The following VWC2L variants were observed in gnomAD, a reference collection of about 807,000 sequenced individuals.
VWC2L encodes the protein von Willebrand factor C domain-containing protein 2-like.
A neutral mutation model predicts 21.6 loss-of-function variants in VWC2L; 10 were observed. That is an observed-to-expected ratio of 0.46 (90% CI 0.29 to 0.78). The LOEUF (loss-of-function observed/expected upper bound fraction) is 0.78. Ranked by LOEUF, VWC2L falls within the 30% of genes least tolerant of loss-of-function variation. The probability of loss-of-function intolerance (pLI) is 0.10; values close to 1 mark genes in which losing one functional copy is unlikely to be tolerated. For missense variants in VWC2L, 209 were observed against 277.1 expected (o/e 0.75, Z 1.74); for synonymous variants, 96 against 94.3 (o/e 1.02, Z -0.10).
At chr2:214,503,150 A>G (rs1452742850) in intron 3 of VWC2L, among the ~76,000 whole-genome samples, 5 of 152,334 alleles carry the variant, frequency 3.3e-5, no homozygotes, top group African/African-American at 1.2e-4. Flanking sequence ...CCTGAACTCC[A>G]GCAAGAGTTT....
chr2:214,414,034 C>A, intron 1 of VWC2L, 80 bp from the exon 2 acceptor site: 1 of 754,726 alleles, frequency 1.3e-6, no homozygotes, highest in Non-Finnish European at 2.0e-6. Context: ...TGATCCCAAA[C>A]AGTTTAAGAG....
At chr2:214,447,141 G>T (rs555285059) in intron 3 of VWC2L, among the ~76,000 whole-genome samples, 5 of 152,216 alleles carry the variant, frequency 3.3e-5, no homozygotes, top group Non-Finnish European at 4.4e-5. Context: ...GAATTAAATG[G>T]GGTGGGGTCT....
chr2:214,442,748 T>A (rs948673970), intron 3 of VWC2L, among the ~76,000 whole-genome samples: 3 of 152,086 alleles, frequency 2.0e-5, no homozygotes, highest in African/African-American at 4.8e-5. Context: ...GCTTTCTTTT[T>A]TAAAATGGTA....
At chr2:214,505,775 A>G (rs1688958903) in intron 3 of VWC2L, among the ~76,000 whole-genome samples, 1 of 152,332 alleles carries the variant, frequency 6.6e-6, no homozygotes, top group South Asian at 2.1e-4. Flanking sequence ...AGCAAAACAT[A>G]AGAATGGTGG....
chr2:214,445,307 G>C (rs1574568119), intron 3 of VWC2L, among the ~76,000 whole-genome samples: 1 of 151,686 alleles, frequency 6.6e-6, no homozygotes, highest in East Asian at 1.9e-4. Flanking sequence ...AAAGTTGTTT[G>C]ATAATAGCAA....
chr2:214,505,123 C>T (rs986966405), intron 3 of VWC2L, among the ~76,000 whole-genome samples: 3 of 152,178 alleles, frequency 2.0e-5, no homozygotes, highest in Non-Finnish European at 4.4e-5. Flanking sequence ...ACTGTGTTCT[C>T]GTTTCCTATT....
Position 214,563,546 on chromosome 2 carries a change from C to CAAAAAAAAAAAAAAAAAAAA in VWC2L, c.521-12110_521-12091dup, listed in dbSNP as rs55864016. On this transcript the variant is annotated intron_variant, in intron 3 of 3. Transcript: ENST00000312504. ...TGGGTGACACAGCAAGACTCCGTCT[C>CAAAAAAAAAAAAAAAAAAAA]AAAAAAAAAAAAAAAAAAAAAAAAA... Among the ~76,000 whole-genome samples the CAAAAAAAAAAAAAAAAAAAA allele has an allele frequency of 1.1e-3, 104 of 95,856 alleles. 2 individuals are homozygous for CAAAAAAAAAAAAAAAAAAAA. The highest frequency in any genetic ancestry group is 6.0e-3 in the Middle Eastern group (1 of 168). 62.9% of individuals were successfully genotyped at this position (95,856 alleles called of 152,430 possible). A position where few individuals can be genotyped will look rare whatever the true frequency, so the allele number is the denominator to read the frequency against.
intron 3 of VWC2L, among the ~76,000 whole-genome samples, chr2:214,574,847 G>GA (rs1433614978): frequency 6.6e-6 from 1 of 151,704 alleles, no homozygotes; most frequent in Non-Finnish European, 1.5e-5. Context: ...AAAAATGCAA[G>GA]AAAATAAGGG....
Position 214,446,713 on chromosome 2 carries a change from T to TC in VWC2L, c.520+9961dup, listed in dbSNP as rs796438821. ...TAAATGTTTGAAATGTTGAGTCCAG[T>TC]CCCCCCACAAAACATACATTTTTTC... is the stretch of plus-strand genomic sequence containing the variant. On this transcript the variant is annotated intron_variant, in intron 3 of 3. Transcript: ENST00000312504. 8.4e-4 allele frequency among the ~76,000 whole-genome samples: 128 copies of TC among 151,978 alleles called. 1 individual carries two copies. Among genetic ancestry groups the TC allele is most frequent in the African/African-American group, 2.9e-3 (121 of 41,450 alleles).
At chr2:214,484,969 A>G (rs1559304867) in intron 3 of VWC2L, among the ~76,000 whole-genome samples, 1 of 152,164 alleles carries the variant, frequency 6.6e-6, no homozygotes, top group Non-Finnish European at 1.5e-5. Flanking sequence ...CATGAAAATT[A>G]TTAAGGACCT....
At chr2:214,446,821 A>G (rs549305155) in intron 3 of VWC2L, among the ~76,000 whole-genome samples, 1 of 152,336 alleles carries the variant, frequency 6.6e-6, no homozygotes, top group Non-Finnish European at 1.5e-5. Flanking sequence ...CCCATTCTGC[A>G]GGACGCTTGA....
intron 3 of VWC2L, among the ~76,000 whole-genome samples, chr2:214,443,883 T>TA (rs1053265206): frequency 2.0e-5 from 3 of 151,682 alleles, no homozygotes; most frequent in African/African-American, 4.8e-5. Flanking sequence ...AAGAAGGAGG[T>TA]AAAAAAGGTC....
chr2:214,575,425 C>T (rs1053372721), intron 3 of VWC2L, among the ~76,000 whole-genome samples: 5 of 151,856 alleles, frequency 3.3e-5, no homozygotes, highest in African/African-American at 4.9e-5. Context: ...GCAGAAAATA[C>T]GATTTTTTTT....
chr2:214,554,677 C>A (rs1206581418), intron 3 of VWC2L, among the ~76,000 whole-genome samples: 1 of 151,940 alleles, frequency 6.6e-6, no homozygotes, highest in Non-Finnish European at 1.5e-5. Flanking sequence ...ACAAAACAAA[C>A]AAACAAAACA....
intron 3 of VWC2L, among the ~76,000 whole-genome samples, chr2:214,439,248 T>C (rs1702725178): frequency 6.6e-6 from 1 of 151,962 alleles, no homozygotes; most frequent in South Asian, 2.1e-4. Flanking sequence ...AACAGATGAA[T>C]GATATATAGA....
rs150642379 is a variant in VWC2L, at chr2:214,573,408, T to G, written c.521-2264T>G. ...CACTATTTAGAATTTTATTTTCCCA[T>G]GTGGAAAAGTTAAAAGTATACAATT... On this transcript the variant is annotated intron_variant, in intron 3 of 3. Coordinates refer to ENST00000312504, the MANE Select transcript of VWC2L (RefSeq NM_001080500.4). Among the ~76,000 whole-genome samples, 24 of 152,234 alleles carry G rather than the reference T, an allele frequency of 1.6e-4. No individual in the cohort carries two copies. The East Asian group carries it at 4.4e-3, about 28-fold the overall frequency.
chr2:214,517,225 G>A (rs981080844), intron 3 of VWC2L, among the ~76,000 whole-genome samples: 1 of 152,156 alleles, frequency 6.6e-6, no homozygotes, highest in African/African-American at 2.4e-5. Flanking sequence ...TTGGCTTTCA[G>A]TACCCCAGAC....
At chr2:214,527,552 C>T (rs1352737206) in intron 3 of VWC2L, among the ~76,000 whole-genome samples, 1 of 152,070 alleles carries the variant, frequency 6.6e-6, no homozygotes, top group African/African-American at 2.4e-5. Context: ...TTCCTTGAAG[C>T]AAGTTCTTTC....
chr2:214,436,841 A>G (rs1400420052), intron 3 of VWC2L, 83 bp downstream of exon 3: 1 of 1,522,420 alleles, frequency 6.6e-7, no homozygotes, highest in East Asian at 2.3e-5. Flanking sequence ...TCAATGCAAG[A>G]CCCCTCTAAG....
Sources: gnomAD v4.1 joint callset for allele counts (sites outside exome capture counted in the v4.1 genomes callset) on GRCh38, gnomAD v4.1.1 for gene constraint, MANE v1.5 for transcripts, NCBI Gene and HGNC (gene_info 2026-07-23, HGNC 2026-07-21) for gene names.